Variants in PDE4D observed in about 807,000 individuals in gnomAD.
PDE4D encodes phosphodiesterase 4D.
In PDE4D, 24 loss-of-function variants were observed where a neutral mutation model predicts 87.4. The ratio of observed to expected loss-of-function variants is 0.27; its 90% CI spans 0.20 to 0.39. The LOEUF (loss-of-function observed/expected upper bound fraction) is 0.39, where lower values mean the gene tolerates loss of function less well. Among genes scored for constraint, PDE4D ranks in the 10% least tolerant of loss-of-function variants. The pLI, the probability that PDE4D is intolerant of heterozygous loss-of-function variation, is 1.00. For missense variants in PDE4D, 714 were observed against 1,041.0 expected, an observed-to-expected ratio of 0.69 and a Z score of 4.32; for synonymous variants, 384 against 383.2, an observed-to-expected ratio of 1.00 and a Z score of -0.02.
Position 59,865,990 on chromosome 5 carries a change from T to C in PDE4D, c.455+27178A>G, listed in dbSNP as rs549124930. 5.3e-5 allele frequency among the ~76,000 whole-genome samples: 8 copies of C among 152,372 alleles called. No homozygotes were observed. The South Asian group carries it at 1.7e-3, about 32-fold the overall frequency. On this transcript the variant is annotated intron_variant, in intron 1 of 14. Transcript: ENST00000340635. ...CAACTGGATTCCTTTAAGCCCTGAC[T>C]ATGATCTTTTAATTCTGAAATACTA... is the stretch of plus-strand genomic sequence containing the variant.
intron 5 of PDE4D, among the ~76,000 whole-genome samples, chr5:59,172,473 T>A (rs1224367171): frequency 6.7e-6 from 1 of 148,208 alleles, no homozygotes; most frequent in African/African-American, 2.5e-5. Flanking sequence ...GGTGGGCAGA[T>A]TGCTTGAGCC....
At chr5:59,027,432 G>A (rs2153381765) in intron 6 of PDE4D, among the ~76,000 whole-genome samples, 1 of 152,200 alleles carries the variant, frequency 6.6e-6, no homozygotes, top group East Asian at 1.9e-4. Context: ...ACGGTGTAGG[G>A]GGTTATGTTC....
Position 60,172,133 on chromosome 5 carries a change from A to AAT in PDE4D, c.42+13422_42+13423dup, listed in dbSNP as rs553517664. 3.3e-3 allele frequency among the ~76,000 whole-genome samples: 477 copies of AAT among 146,430 alleles called. 2 individuals carry two copies. The highest frequency in any genetic ancestry group is 0.01 in the African/African-American group (422 of 40,318). ...ATATATTATATTATATATATAATAT[A>AAT]ATATATATATATACACACACATGTT... On this transcript the variant is annotated intron_variant, in intron 2 of 16. Coordinates refer to the PDE4D transcript ENST00000502484.
intron 1 of PDE4D, among the ~76,000 whole-genome samples, chr5:59,628,337 C>A (rs1308184996): frequency 1.3e-5 from 2 of 152,158 alleles, no homozygotes; most frequent in East Asian, 3.8e-4. Context: ...ACTATTATAT[C>A]CTCATCTATG....
chr5:60,084,738 C>G lies in PDE4D; in HGVS notation c.43-96021G>C, dbSNP rs558966551. Among the ~76,000 whole-genome samples the G allele has an allele frequency of 9.9e-5, 15 of 152,276 alleles. 1 individual carries two copies. The highest frequency in any genetic ancestry group is 6.8e-3 in the Middle Eastern group (2 of 294). On this transcript the variant is annotated intron_variant, in intron 2 of 16. Transcript: ENST00000502484. ...CCTGCACCCCTACATAGTGACCCGC[C>G]TTGGTTAGTCAGCAGTCATGTATTA...
intron 1 of PDE4D, among the ~76,000 whole-genome samples, chr5:59,879,262 C>T (rs1309459470): frequency 6.6e-6 from 1 of 152,164 alleles, no homozygotes; most frequent in African/African-American, 2.4e-5. Flanking sequence ...TAAAACCAAT[C>T]AGTGCCTCTG....
At chr5:59,194,723 A>G (rs986816424) in intron 2 of PDE4D, among the ~76,000 whole-genome samples, 7 of 152,218 alleles carry the variant, frequency 4.6e-5, no homozygotes, top group Admixed American at 2.0e-4. Flanking sequence ...ATAGAACTCT[A>G]GAACTCTAAG....
intron 1 of PDE4D, among the ~76,000 whole-genome samples, chr5:59,803,130 G>A (rs1476186839): frequency 1.3e-5 from 2 of 152,098 alleles, no homozygotes; most frequent in African/African-American, 4.8e-5. Flanking sequence ...CACCAGGGGA[G>A]TACGGCACAG....
chr5:59,802,674 G>T (rs1011545176), intron 1 of PDE4D, among the ~76,000 whole-genome samples: 1 of 152,102 alleles, frequency 6.6e-6, no homozygotes, highest in African/African-American at 2.4e-5. Flanking sequence ...TGGGATCACA[G>T]GTGTGAGCCA....
At chr5:60,322,105 A>C (rs1337565047) in intron 1 of PDE4D, among the ~76,000 whole-genome samples, 1 of 152,138 alleles carries the variant, frequency 6.6e-6, no homozygotes, top group Non-Finnish European at 1.5e-5. Flanking sequence ...ACATGTATGC[A>C]TATGTTCATC....
intron 1 of PDE4D, among the ~76,000 whole-genome samples, chr5:60,428,196 G>C (rs1239222783): frequency 6.6e-6 from 1 of 152,168 alleles, no homozygotes; most frequent in African/African-American, 2.4e-5. Flanking sequence ...AGTATGAATA[G>C]ATTCTAATGC....
At chr5:59,274,124 T>G (rs1328605813) in intron 1 of PDE4D, among the ~76,000 whole-genome samples, 3 of 152,146 alleles carry the variant, frequency 2.0e-5, no homozygotes, top group Non-Finnish European at 4.4e-5. Flanking sequence ...CCAGTATTTA[T>G]TGTTTGAGGA....
rs189021692 is a variant in PDE4D at position 60,294,359 on chromosome 5, T to C, written c.-89-108672A>G. Among the ~76,000 whole-genome samples the C allele has an allele frequency of 3.2e-3, 492 of 152,334 alleles. 4 individuals carry two copies. The highest frequency in any genetic ancestry group is 0.011 in the African/African-American group (463 of 41,590). On this transcript the variant is annotated intron_variant, in intron 1 of 16. Coordinates refer to the PDE4D transcript ENST00000502484. ...TCCTTTGTCAGATATGTTTTACAAATATTTTTGTCCTGTTAGTGGCTCTCT... is the reference window on the plus strand; with the variant it reads ...TCCTTTGTCAGATATGTTTTACAAACATTTTTGTCCTGTTAGTGGCTCTCT...
At chr5:59,064,654 T>A (rs1291016384) in intron 5 of PDE4D, among the ~76,000 whole-genome samples, 1 of 152,194 alleles carries the variant, frequency 6.6e-6, no homozygotes, top group African/African-American at 2.4e-5. Context: ...CTATTAAACC[T>A]CTCTAAAATG....
chr5:59,498,585 G>T (rs1037125903), intron 1 of PDE4D, among the ~76,000 whole-genome samples: 2 of 151,634 alleles, frequency 1.3e-5, no homozygotes, highest in African/African-American at 2.4e-5. Context: ...GATAGAGAAA[G>T]ATCTATCATG....
At chr5:59,872,853 GA>G (rs1487715087) in intron 1 of PDE4D, among the ~76,000 whole-genome samples, 25 of 152,142 alleles carry the variant, frequency 1.6e-4, no homozygotes, top group Admixed American at 1.2e-3. Flanking sequence ...TGACTGGTAA[GA>G]AATGCCATAG....
intron 1 of PDE4D, among the ~76,000 whole-genome samples, chr5:59,357,157 A>T (rs1781513649): frequency 6.6e-6 from 1 of 152,196 alleles, no homozygotes; most frequent in Non-Finnish European, 1.5e-5. Context: ...CTGATTAAAC[A>T]GCATAGTCAC....
At chr5:59,562,184 C>A (rs1194094808) in intron 1 of PDE4D, among the ~76,000 whole-genome samples, 1 of 151,978 alleles carries the variant, frequency 6.6e-6, no homozygotes, top group Non-Finnish European at 1.5e-5. Flanking sequence ...TAAGTGTCTC[C>A]TTACAAAATG....
intron 1 of PDE4D, among the ~76,000 whole-genome samples, chr5:59,465,882 T>C (rs551262893): frequency 6.6e-6 from 1 of 152,342 alleles, no homozygotes; most frequent in East Asian, 1.9e-4. Context: ...TTTTTACAGA[T>C]GGAGAATCTC....
Sources: allele counts gnomAD v4.1 joint callset (sites outside exome capture counted in the v4.1 genomes callset), GRCh38; gene constraint gnomAD v4.1.1; transcripts MANE v1.5; gene names NCBI Gene and HGNC (gene_info 2026-07-23, HGNC 2026-07-21).